The following EPHB3 variants were observed in gnomAD, a reference collection of about 807,000 sequenced individuals.
The protein encoded by EPHB3 is EPH receptor B3, also known as ephrin type-B receptor 3.
In EPHB3, 33 loss-of-function variants were observed where a neutral mutation model predicts 100.2. That is an observed-to-expected ratio of 0.33 (90% CI 0.25 to 0.44). EPHB3 has a LOEUF of 0.44. Among genes scored for constraint, EPHB3 ranks in the 20% least tolerant of loss-of-function variants. EPHB3 has a pLI of 1.00. For missense variants in EPHB3, 1,045 were observed against 1,378.3 expected (o/e 0.76, Z 3.83); for synonymous variants, 526 against 554.7 (o/e 0.95, Z 0.73).
At position 184,579,596 on chromosome 3, in the gene EPHB3, G is replaced by A; in HGVS notation, c.1921G>A (p.Ala641Thr). Residue 641 changes from alanine (A) to threonine (T), a missense_variant, in exon 10 of 16, where the codon GCT becomes ACT. Physicochemically the swap from Ala to Thr is moderately conservative, Grantham distance 58. Coordinates refer to ENST00000330394, the MANE Select transcript of EPHB3 (RefSeq NM_004443.4). This position sits in a 1 kb window ranked among gnomAD's most constrained non-coding sequence, Gnocchi z 5.2. ...SCVKIEEVIG[A>T]GEFGEVCRGR... ...CGTCAAGATCGAGGAGGTGATCGGA[G>A]CTGGTGAGTCTCCCGGGGCACAGTA... 1 of 1,614,040 alleles carries A rather than the reference G, an allele frequency of 6.2e-7. No homozygotes were observed. Among genetic ancestry groups the A allele is most frequent in the Non-Finnish European group, 8.5e-7 (1 of 1,179,962 alleles).
At chr3:184,567,525 T>C (rs533300381) in intron 1 of EPHB3, among the ~76,000 whole-genome samples, 1 of 151,026 alleles carries the variant, frequency 6.6e-6, no homozygotes, top group Non-Finnish European at 1.5e-5. Context: ...TGCGGGTGCA[T>C]GGAGGATGCA....
Position 184,563,627 on chromosome 3 carries a change from C to T in EPHB3, c.118+1274C>T, listed in dbSNP as rs1054792820. ...TGCTGTGCTGACAGATCGAGTCCCA[C>T]GGGTGGACACATGCAAATTCAGACT... On this transcript the variant is annotated intron_variant, in intron 1 of 15. Coordinates refer to ENST00000330394, the MANE Select transcript of EPHB3 (RefSeq NM_004443.4). This position sits in a 1 kb window ranked among gnomAD's most constrained non-coding sequence, Gnocchi z 4.1. Among the ~76,000 whole-genome samples, 12 of 152,218 alleles carry T rather than the reference C, an allele frequency of 7.9e-5. No individual in the cohort carries two copies. Among genetic ancestry groups the T allele is most frequent in the African/African-American group, 2.2e-4 (9 of 41,460 alleles).
At chr3:184,574,150 CA>C (rs1714613625) in intron 3 of EPHB3, among the ~76,000 whole-genome samples, 1 of 152,232 alleles carries the variant, frequency 6.6e-6, no homozygotes, top group Non-Finnish European at 1.5e-5. Flanking sequence ...GTGTCTGGCA[CA>C]TGGGAGCACA....
At chr3:184,575,346 TG>T (rs1714646462) in intron 3 of EPHB3, 17 of 586,102 alleles carry the variant, frequency 2.9e-5, no homozygotes, top group African/African-American at 2.4e-4. Flanking sequence ...GCCTGGTGGG[TG>T]GGGCGAGAGC....
rs1372976166 is a variant in EPHB3 at position 184,579,138 on chromosome 3, T to C, written c.1802-339T>C. On this transcript the variant is annotated intron_variant, in intron 9 of 15. Transcript: ENST00000330394. This position sits in a 1 kb window ranked among gnomAD's most constrained non-coding sequence, Gnocchi z 5.2. Reference sequence around the variant, plus strand: ...GGAAGACAGCGGTATGCAGGATAGCTCGGTGGGAAAAGTCCAGAGGCAGAG... The same window carrying C: ...GGAAGACAGCGGTATGCAGGATAGCCCGGTGGGAAAAGTCCAGAGGCAGAG... Among the ~76,000 whole-genome samples the C allele has an allele frequency of 2.6e-5, 4 of 151,962 alleles. No homozygotes were observed. The highest frequency in any genetic ancestry group is 1.9e-4 in the East Asian group (1 of 5,184).
rs368055350 is a variant in EPHB3 at position 184,579,933 on chromosome 3, G to A, written c.2171G>A (p.Arg724Gln). The change falls in exon 11 of 16, where the codon CGG becomes CAG. Residue 724 changes from arginine (R) to glutamine (Q), a missense_variant and splice_region_variant. Arg to Gln is a conservative substitution (Grantham distance 43). This residue lies in a region of EPHB3 where 985 missense variants were observed against 1,331.1 expected (regional missense o/e 0.74). Coordinates refer to ENST00000330394, the MANE Select transcript of EPHB3 (RefSeq NM_004443.4). The surrounding 1 kb of genome is among the most constrained non-coding windows in gnomAD (Gnocchi z 5.2). ...AACTGCGCCCTGGACTCCTTCCTCC[G>A]GGTAAGAGCCAGCCCCCAGGCCCTC... The part of the protein sequence containing the change: ...MENCALDSFL[R>Q]LNDGQFTVIQ... 21 of 1,612,394 alleles carry A rather than the reference G, an allele frequency of 1.3e-5. No homozygotes were observed. The highest frequency in any genetic ancestry group is 9.3e-5 in the African/African-American group (7 of 74,882).
chr3:184,561,832 C>T lies in EPHB3; in HGVS notation c.-404C>T, dbSNP rs972035245. Reference sequence around the variant, plus strand: ...GCGCAGCAAGATCCCAGCTCGGACCCCGGACGGCGCGCGCCCCCGAAGCCC... The same window carrying T: ...GCGCAGCAAGATCCCAGCTCGGACCTCGGACGGCGCGCGCCCCCGAAGCCC... On this transcript the variant is annotated 5_prime_UTR_variant, in exon 1 of 16. Transcript: ENST00000330394. 2.0e-4 allele frequency: 31 copies of T among 152,544 alleles called. No homozygotes were observed. The highest frequency in any genetic ancestry group is 7.2e-4 in the African/African-American group (30 of 41,442). The allele number at this position is 152,544 out of a possible 1,614,324, so 9.4% of individuals were successfully genotyped here.
In EPHB3 at chr3:184,562,207, C is replaced by T; in HGVS notation, c.-29C>T. 1.6e-6 allele frequency: 1 copy of T among 613,446 alleles called. No individual in the cohort carries two copies. Among genetic ancestry groups the T allele is most frequent in the South Asian group, 7.1e-5 (1 of 14,138 alleles). 38.0% of individuals were successfully genotyped at this position (613,446 alleles called of 1,614,324 possible). ...CCGGCGCGGCCCGGCCCGGCGCGGCCCGGCTCGGCTCCTAGAGCTGCCACG... is the reference window on the plus strand; with the variant it reads ...CCGGCGCGGCCCGGCCCGGCGCGGCTCGGCTCGGCTCCTAGAGCTGCCACG... On this transcript the variant is annotated 5_prime_UTR_variant, in exon 1 of 16. Coordinates refer to ENST00000330394, the MANE Select transcript of EPHB3 (RefSeq NM_004443.4). The surrounding 1 kb of genome is among the most constrained non-coding windows in gnomAD (Gnocchi z 4.8).
Position 184,579,734 on chromosome 3 carries a change from C to A in EPHB3, c.1972C>A (p.Arg658=). ...TGGTCGACTGAAACAGCCTGGCCGC[C>A]GAGAGGTGTTTGTGGCCATCAAGAC... ...CRGRLKQPGR[R]EVFVAIKTLK... is the part of the protein sequence containing the mutation. Residue 658 remains arginine, a synonymous_variant, in exon 11 of 16, where the codon CGA becomes AGA. Transcript: ENST00000330394. This position sits in a 1 kb window ranked among gnomAD's most constrained non-coding sequence, Gnocchi z 5.2. The A allele has an allele frequency of 1.2e-6, 2 of 1,612,976 alleles. No individual in the cohort carries two copies. The highest frequency in any genetic ancestry group is 1.7e-6 in the Non-Finnish European group (2 of 1,179,542).
rs3888138 is a variant in EPHB3, at chr3:184,578,839, T to A, written c.1801+373T>A. Among the ~76,000 whole-genome samples, 13,798 of 152,144 alleles carry A rather than the reference T, an allele frequency of 0.091. 674 individuals are homozygous for A. Among genetic ancestry groups the A allele is most frequent in the Middle Eastern group, 0.14 (41 of 294 alleles). ...CTTCCTCGAGGAGGTGGACTTGAGC[T>A]GAGCCAGGCGGGATGAGCAGGGTGT... On this transcript the variant is annotated intron_variant, in intron 9 of 15. Transcript: ENST00000330394. This position sits in a 1 kb window ranked among gnomAD's most constrained non-coding sequence, Gnocchi z 4.7.
Position 184,572,639 on chromosome 3 carries a change from G to A in EPHB3, c.319G>A (p.Val107Met), listed in dbSNP as rs761829006. 3 of 1,567,272 alleles carry A rather than the reference G, an allele frequency of 1.9e-6. No homozygotes were observed. The highest frequency in any genetic ancestry group is 1.7e-4 in the Middle Eastern group (1 of 5,870). The change falls in exon 3 of 16, where the codon GTG becomes ATG. Residue 107 changes from valine to methionine, a missense_variant. Around this residue, in one of 2 missense-constraint regions of EPHB3, gnomAD observed 985 missense variants for 1,331.1 expected, o/e 0.74. Coordinates refer to ENST00000330394, the MANE Select transcript of EPHB3 (RefSeq NM_004443.4). This position sits in a 1 kb window ranked among gnomAD's most constrained non-coding sequence, Gnocchi z 6.6. ...GCGGCGGGATGTGCAGCGGGTCTAC[G>A]TGGAGCTCAAGTTCACTGTGCGTGA... is the stretch of plus-strand genomic sequence containing the variant. ...IWRRDVQRVYVELKFTVRDCN... is the reference protein window; with the variant it reads ...IWRRDVQRVYMELKFTVRDCN...
Position 184,572,760 on chromosome 3 carries a change from C to A in EPHB3, c.440C>A (p.Pro147His), listed in dbSNP as rs773256225. ...ADSDVASASS[P>H]FWMENPYVKV... ...AGCGATGTGGCCTCAGCCTCCTCCC[C>A]CTTCTGGATGGAGAACCCCTACGTG... The change falls in exon 3 of 16, where the codon CCC becomes CAC. Residue 147 changes from proline (P) to histidine (H), a missense_variant. By Grantham distance (77) the Pro-to-His change is moderately conservative. This residue lies in a region of EPHB3 where 985 missense variants were observed against 1,331.1 expected (regional missense o/e 0.74). Transcript: ENST00000330394. This position sits in a 1 kb window ranked among gnomAD's most constrained non-coding sequence, Gnocchi z 6.6. 4.3e-6 allele frequency: 7 copies of A among 1,610,612 alleles called. No homozygotes were observed. Among genetic ancestry groups the A allele is most frequent in the Non-Finnish European group, 5.9e-6 (7 of 1,178,964 alleles).
rs148220856 is a variant in EPHB3, at chr3:184,577,936, A to G, written c.1678A>G (p.Ile560Val). ...GCAGCTCCAGGAGCAGCTTCCCCTC[A>G]TCGTGGGCTCCGCTACAGCTGGGCT... is the stretch of plus-strand genomic sequence containing the variant. ...AQQLQEQLPLIVGSATAGLVF... is the reference protein window; with the variant it reads ...AQQLQEQLPLVVGSATAGLVF... Residue 560 changes from isoleucine (I) to valine (V), a missense_variant, in exon 8 of 16, where the codon ATC becomes GTC. Around this residue, in one of 2 missense-constraint regions of EPHB3, gnomAD observed 985 missense variants for 1,331.1 expected, o/e 0.74. Transcript: ENST00000330394. The surrounding 1 kb of genome is among the most constrained non-coding windows in gnomAD (Gnocchi z 4.9). The G allele has an allele frequency of 1.1e-4, 179 of 1,613,836 alleles. 1 individual carries two copies. In the African/African-American group the frequency reaches 2.1e-3, roughly 19 times the overall value.
chr3:184,576,243 C>G (rs545740248), intron 4 of EPHB3, among the ~76,000 whole-genome samples: 92 of 149,932 alleles, frequency 6.1e-4, no homozygotes, highest in African/African-American at 2.3e-3. Flanking sequence ...GGAACTTGCT[C>G]CTAGCCATGC....
chr3:184,580,982 C>T lies in EPHB3; in HGVS notation c.2549C>T (p.Ala850Val), dbSNP rs771519161. 1.2e-6 allele frequency: 2 copies of T among 1,611,254 alleles called. No individual in the cohort carries two copies. The highest frequency in any genetic ancestry group is 2.2e-5 in the East Asian group (1 of 44,782). Residue 850 changes from alanine to valine, a missense_variant, in exon 14 of 16, where the codon GCC (alanine) becomes GTC (valine). This residue lies in a region of EPHB3 where 985 missense variants were observed against 1,331.1 expected (regional missense o/e 0.74). Transcript: ENST00000330394. ...CTGCCTTCGGCCCAGGTCATCAATG[C>T]CGTGGAGCAGGATTACCGGCTGCCA... ...WDMSNQDVINAVEQDYRLPPP... is the reference protein window; with the variant it reads ...WDMSNQDVINVVEQDYRLPPP...
chr3:184,561,944 C>T lies in EPHB3; in HGVS notation c.-292C>T, dbSNP rs1264896629. The T allele has an allele frequency of 1.9e-5, 3 of 157,504 alleles. No homozygotes were observed. The highest frequency in any genetic ancestry group is 4.2e-5 in the Non-Finnish European group (3 of 71,932). 9.8% of individuals were successfully genotyped at this position (157,504 alleles called of 1,614,324 possible). On this transcript the variant is annotated 5_prime_UTR_variant, in exon 1 of 16. Coordinates refer to ENST00000330394, the MANE Select transcript of EPHB3 (RefSeq NM_004443.4). ...CTGCACCCTCCTGCCCCGGCCCGCC[C>T]CCCAAGTCCTCAGGCACCCAGCTCC...
rs747920316 is a variant in EPHB3 at position 184,577,980 on chromosome 3, C to T, written c.1722C>T (p.Val574=). 2.2e-5 allele frequency: 35 copies of T among 1,613,844 alleles called. No individual in the cohort carries two copies. In the East Asian group the frequency reaches 3.6e-4, roughly 16 times the overall value. ...ATAGLVFVVA[V]VVIAIVCLRK... is the part of the protein sequence containing the mutation. ...CTGGGCTTGTCTTCGTGGTGGCTGT[C>T]GTGGTCATCGCTATCGTCTGCCTCA... The change falls in exon 8 of 16, where the codon GTC becomes GTT. Residue 574 remains valine, a synonymous_variant. Transcript: ENST00000330394. The surrounding 1 kb of genome is among the most constrained non-coding windows in gnomAD (Gnocchi z 4.9).
In EPHB3 at chr3:184,565,977, A is replaced by G. The variant is rs1714374815; in HGVS notation, c.118+3624A>G. 6.6e-6 allele frequency among the ~76,000 whole-genome samples: 1 copy of G among 152,228 alleles called. No homozygotes were observed. Among genetic ancestry groups the G allele is most frequent in the Admixed American group, 6.5e-5 (1 of 15,294 alleles). On this transcript the variant is annotated intron_variant, in intron 1 of 15. Transcript: ENST00000330394. The surrounding 1 kb of genome is among the most constrained non-coding windows in gnomAD (Gnocchi z 4.8). ...CAGGCCTGCATAGTTTGAAAATTGT[A>G]GCCCTGCCTGTTGTGCTGAGTCAAA...
chr3:184,578,032 A>C lies in EPHB3; in HGVS notation c.1748+26A>C. The C allele has an allele frequency of 6.2e-7, 1 of 1,610,580 alleles. No homozygotes were observed. The highest frequency in any genetic ancestry group is 8.5e-7 in the Non-Finnish European group (1 of 1,177,494). On this transcript the variant is annotated intron_variant, in intron 8 of 15. Transcript: ENST00000330394. The surrounding 1 kb of genome is among the most constrained non-coding windows in gnomAD (Gnocchi z 4.7). ...GTACTCCCAGGCCCACTGTTGCTCC[A>C]TGGGCCGCCTCGAACTGCCCTTTAG...
Sources: gnomAD v4.1 joint callset for allele counts (sites outside exome capture counted in the v4.1 genomes callset) on GRCh38, gnomAD v4.1.1 for gene constraint, gnomAD v4.1.1 regional missense constraint, Gnocchi (gnomAD v3.1) non-coding constraint, MANE v1.5 for transcripts, NCBI Gene and HGNC (gene_info 2026-07-23, HGNC 2026-07-21) for gene names.